USP29: variants seen among roughly 807,000 people sequenced by gnomAD.
USP29 encodes the protein ubiquitin specific peptidase 29, also known as ubiquitin carboxyl-terminal hydrolase 29.
For missense variants in USP29, 1,102 were observed against 1,069.0 expected (o/e 1.03, Z -0.43); for synonymous variants, 386 against 387.4 (o/e 1.00, Z 0.04).
chr19:57,119,271 C>T (rs1456822960), upstream of USP29: 8 of 152,342 alleles, frequency 5.3e-5, no homozygotes, highest in African/African-American at 1.9e-4. Context: ...GTCCGCTTCC[C>T]CAAGACTTGG....
At chr19:57,127,375 T>C (rs2086829215) in intron 3 of USP29, among the ~76,000 whole-genome samples, 1 of 152,242 alleles carries the variant, frequency 6.6e-6, no homozygotes, top group Non-Finnish European at 1.5e-5. Context: ...TGAAGCTGTG[T>C]GCCCACAGCC....
rs376514076 is a variant in USP29, at chr19:57,129,917, T to C, written c.1242T>C (p.Ser414=). 4 of 1,614,090 alleles carry C rather than the reference T, an allele frequency of 2.5e-6. No individual in the cohort carries two copies. The highest frequency in any genetic ancestry group is 2.2e-5 in the East Asian group (1 of 44,888). Residue 414 remains serine (S), a synonymous_variant, in exon 4 of 4, where the codon AGT becomes AGC. Transcript: ENST00000254181. ...ENSSPQMHVG[S]AATKVFVCPV... ...CATCTCCACAAATGCATGTTGGTAGTGCTGCCACCAAAGTGTTTGTTTGCC... is the reference window on the plus strand; with the variant it reads ...CATCTCCACAAATGCATGTTGGTAGCGCTGCCACCAAAGTGTTTGTTTGCC...
rs2086841542 is a variant in USP29 at position 57,129,333 on chromosome 19, AG to A, written c.659del (p.Arg220LysfsTer3). 1.2e-6 allele frequency: 2 copies of A among 1,613,904 alleles called. No homozygotes were observed. Among genetic ancestry groups the A allele is most frequent in the East Asian group, 4.5e-5 (2 of 44,882 alleles). On this transcript the variant is annotated frameshift_variant, in exon 4 of 4. Coordinates refer to ENST00000254181, the MANE Select transcript of USP29 (RefSeq NM_020903.3). LOFTEE classifies it low-confidence loss of function (END_TRUNC). ...AAGTTTAGAGGATTTAGAAAAAGAT[AG>A]AGATTTGAAACTCGGGCCTTCATTC... is the stretch of plus-strand genomic sequence containing the variant. ...PSSLEDLEKD[R>X]DLKLGPSFNT...
Position 57,128,770 on chromosome 19 carries a change from G to C in USP29, c.95G>C (p.Arg32Thr). The C allele has an allele frequency of 6.2e-7, 1 of 1,613,854 alleles. No individual in the cohort carries two copies. The highest frequency in any genetic ancestry group is 1.1e-5 in the South Asian group (1 of 90,996). ...GAAGCTCTCATTGAAACAGTGCAAA[G>C]ACAAAAGGAAATTAAACTGGTGGTC... ...LKEALIETVQ[R>T]QKEIKLVVTF... Residue 32 changes from arginine to threonine, a missense_variant, in exon 4 of 4, where the codon AGA (arginine) becomes ACA (threonine). Arg to Thr is a moderately conservative substitution (Grantham distance 71, BLOSUM62 -1). Coordinates refer to ENST00000254181, the MANE Select transcript of USP29 (RefSeq NM_020903.3).
At chr19:57,124,525 T>C (rs2086813970) in intron 3 of USP29, among the ~76,000 whole-genome samples, 2 of 152,010 alleles carry the variant, frequency 1.3e-5, no homozygotes, top group South Asian at 4.2e-4. Context: ...TTTTTTGTTT[T>C]TCAGACAGAG....
chr19:57,128,439 A>G (rs2086834791), intron 3 of USP29, among the ~76,000 whole-genome samples: 1 of 152,078 alleles, frequency 6.6e-6, no homozygotes, highest in Non-Finnish European at 1.5e-5. Flanking sequence ...CCATTTGTAT[A>G]TTCTTTCTCG....
In USP29 at chr19:57,131,357, A is replaced by G. The variant is rs1213207343; in HGVS notation, c.2682A>G (p.Lys894=). The change falls in exon 4 of 4, where the codon AAA becomes AAG. Residue 894 remains lysine, a synonymous_variant. Transcript: ENST00000254181. ...HNGIFEELLR[K]AENSRLPSTQ... ...GGATTTTTGAGGAGCTGTTAAGAAA[A>G]GCAGAGAACTCTCGGCTACCTAGCA... is the stretch of plus-strand genomic sequence containing the variant. The G allele has an allele frequency of 6.2e-7, 1 of 1,614,090 alleles. No homozygotes were observed. The highest frequency in any genetic ancestry group is 8.5e-7 in the Non-Finnish European group (1 of 1,180,052).
Position 57,128,493 on chromosome 19 carries a change from T to G in USP29, c.-16-167T>G. 3.1e-6 allele frequency: 2 copies of G among 651,642 alleles called. 1 individual carries two copies. Among genetic ancestry groups the G allele is most frequent in the Non-Finnish European group, 4.6e-6 (2 of 430,126 alleles). 40.4% of individuals were successfully genotyped at this position (651,642 alleles called of 1,614,324 possible). On this transcript the variant is annotated intron_variant, in intron 3 of 3. Coordinates refer to ENST00000254181, the MANE Select transcript of USP29 (RefSeq NM_020903.3). Reference sequence around the variant, plus strand: ...AATGCGTGTGCCTCAGTCTATGTCTTCTGGAGAACTGGCACAGCTTCAGAA... The same window carrying G: ...AATGCGTGTGCCTCAGTCTATGTCTGCTGGAGAACTGGCACAGCTTCAGAA...
rs2086857577 is a variant in USP29 at position 57,131,153 on chromosome 19, C to T, written c.2478C>T (p.Ile826=). 1 of 1,614,226 alleles carries T rather than the reference C, an allele frequency of 6.2e-7. No homozygotes were observed. The highest frequency in any genetic ancestry group is 8.5e-7 in the Non-Finnish European group (1 of 1,180,036). ...ATCCTCTCCAGGCCTACAGACTCAT[C>T]AGTGTTGTCAGCCATATCGGGAGCT... ...MGDPLQAYRL[I]SVVSHIGSSP... is the part of the protein sequence containing the mutation. The change falls in exon 4 of 4, where the codon ATC becomes ATT. Residue 826 remains isoleucine (I), a synonymous_variant. Transcript: ENST00000254181.
Position 57,129,546 on chromosome 19 carries a change from G to T in USP29, c.871G>T (p.Gly291Ter), listed in dbSNP as rs2086843367. The T allele has an allele frequency of 6.2e-7, 1 of 1,613,996 alleles. No individual in the cohort carries two copies. Among genetic ancestry groups the T allele is most frequent in the African/African-American group, 1.3e-5 (1 of 74,898 alleles). ...ACTGCAGCAGGGGTTCCCCAATTTG[G>T]GAAACACCTGTTACATGAATGCAGT... ...QQLQQGFPNL[G>*]NTCYMNAVLQ... The change falls in exon 4 of 4, where the codon GGA becomes TGA. Residue 291 changes from glycine (G) to a stop codon, truncating the protein, a stop_gained. Coordinates refer to ENST00000254181, the MANE Select transcript of USP29 (RefSeq NM_020903.3). LOFTEE classifies it low-confidence loss of function (END_TRUNC).
At chr19:57,125,832 A>G (rs966700493) in intron 3 of USP29, among the ~76,000 whole-genome samples, 1 of 152,058 alleles carries the variant, frequency 6.6e-6, no homozygotes, top group Admixed American at 6.6e-5. Flanking sequence ...TATTTTGCAC[A>G]TTAGTTGATG....
intron 3 of USP29, among the ~76,000 whole-genome samples, chr19:57,125,593 T>C (rs1178161496): frequency 1.3e-5 from 2 of 151,938 alleles, no homozygotes; most frequent in Non-Finnish European, 2.9e-5. Context: ...AACCCATCCT[T>C]TTTTTTGCTT....
chr19:57,121,727 A>G (rs2086798641), intron 1 of USP29, among the ~76,000 whole-genome samples: 1 of 147,556 alleles, frequency 6.8e-6, no homozygotes, highest in African/African-American at 2.5e-5. Flanking sequence ...TGTTATATAT[A>G]TATAATTATA....
In USP29 at chr19:57,130,917, C is replaced by T. The variant is rs1264934439; in HGVS notation, c.2242C>T (p.Gln748Ter). 3.1e-6 allele frequency: 5 copies of T among 1,614,178 alleles called. No individual in the cohort carries two copies. The highest frequency in any genetic ancestry group is 4.2e-6 in the Non-Finnish European group (5 of 1,180,040). Reference protein sequence around the residue: ...IEESIIDEFLQQAPPPGVRKL... With the variant: ...IEESIIDEFL Reference sequence around the variant, plus strand: ...GGAGAGCATCATAGATGAATTTCTTCAGCAGGCACCACCTCCAGGTGTTAG... The same window carrying T: ...GGAGAGCATCATAGATGAATTTCTTTAGCAGGCACCACCTCCAGGTGTTAG... Residue 748 changes from glutamine to a stop codon, truncating the protein, a stop_gained, in exon 4 of 4, where the codon CAG becomes TAG. Transcript: ENST00000254181. LOFTEE classifies it low-confidence loss of function (END_TRUNC).
chr19:57,128,933 A>G lies in USP29; in HGVS notation c.258A>G (p.Lys86=), dbSNP rs777884660. 1.2e-6 allele frequency: 2 copies of G among 1,613,850 alleles called. No individual in the cohort carries two copies. Among genetic ancestry groups the G allele is most frequent in the Non-Finnish European group, 1.7e-6 (2 of 1,179,966 alleles). Residue 86 remains lysine, a synonymous_variant, in exon 4 of 4, where the codon AAA becomes AAG. Transcript: ENST00000254181. ...LKNNVFLFID[K]LSYRDAKQLN... ...ACAACGTGTTCTTGTTTATTGACAAATTATCCTACAGAGATGCTAAACAGT... is the reference window on the plus strand; with the variant it reads ...ACAACGTGTTCTTGTTTATTGACAAGTTATCCTACAGAGATGCTAAACAGT...
Position 57,130,396 on chromosome 19 carries a change from AC to A in USP29, c.1722del (p.Asn574LysfsTer4), listed in dbSNP as rs759709771. On this transcript the variant is annotated frameshift_variant, in exon 4 of 4. Coordinates refer to ENST00000254181, the MANE Select transcript of USP29 (RefSeq NM_020903.3). LOFTEE classifies it low-confidence loss of function (END_TRUNC). ...TCTCAGGAGATGATTTCTGAGATCA[AC>A]AGCCCATTGACACCATCAATGAAGC... The part of the protein sequence containing the change: ...EVSQEMISEI[N>X]SPLTPSMKLT... The A allele has an allele frequency of 3.1e-6, 5 of 1,614,194 alleles. No homozygotes were observed. The South Asian group carries it at 5.5e-5, about 18-fold the overall frequency.
rs929752252 is a variant in USP29 at position 57,131,526 on chromosome 19, G to A, written c.*82G>A. 5.5e-5 allele frequency: 82 copies of A among 1,495,766 alleles called. No homozygotes were observed. Among genetic ancestry groups the A allele is most frequent in the Non-Finnish European group, 7.1e-5 (80 of 1,123,414 alleles). The allele number at this position is 1,495,766 out of a possible 1,614,324, so 92.7% of individuals were successfully genotyped here. ...CAAAGAGAATCCTGTACTTCACTCAGAATGAAGGAACAAGTATCTCAGGAT... is the reference window on the plus strand; with the variant it reads ...CAAAGAGAATCCTGTACTTCACTCAAAATGAAGGAACAAGTATCTCAGGAT... On this transcript the variant is annotated 3_prime_UTR_variant, in exon 4 of 4. Transcript: ENST00000254181.
At position 57,129,945 on chromosome 19, in the gene USP29, G is replaced by C; in HGVS notation, c.1270G>C (p.Val424Leu). The C allele has an allele frequency of 6.2e-7, 1 of 1,614,148 alleles. No individual in the cohort carries two copies. Among genetic ancestry groups the C allele is most frequent in the Non-Finnish European group, 8.5e-7 (1 of 1,180,038 alleles). ...TGCCACCAAAGTGTTTGTTTGCCCTGTTGTTGCTAATTTTGAGTTTGAATT... is the reference window on the plus strand; with the variant it reads ...TGCCACCAAAGTGTTTGTTTGCCCTCTTGTTGCTAATTTTGAGTTTGAATT... ...SAATKVFVCP[V>L]VANFEFELQL... is the part of the protein sequence containing the mutation. The change falls in exon 4 of 4, where the codon GTT becomes CTT. Residue 424 changes from valine (V) to leucine (L), a missense_variant. Transcript: ENST00000254181.
At chr19:57,127,569 C>G (rs1444189749) in intron 3 of USP29, among the ~76,000 whole-genome samples, 1 of 152,174 alleles carries the variant, frequency 6.6e-6, no homozygotes, top group African/African-American at 2.4e-5. Flanking sequence ...TCCCACCCTC[C>G]TTAGCACTGT....
Sources: gnomAD v4.1 joint callset for allele counts (sites outside exome capture counted in the v4.1 genomes callset) on GRCh38, gnomAD v4.1.1 for gene constraint, MANE v1.5 for transcripts, NCBI Gene and HGNC (gene_info 2026-07-23, HGNC 2026-07-21) for gene names.